Variants in MIPOL1 observed in about 807,000 individuals in gnomAD.
MIPOL1 encodes mirror-image polydactyly gene 1 protein.
Under a neutral mutation model 60.9 loss-of-function variants are expected in MIPOL1, and 57 were observed. The ratio of observed to expected loss-of-function variants is 0.94; its 90% CI spans 0.76 to 1.17. The LOEUF is 1.17. MIPOL1 is among the 50% of genes most tolerant of loss of function. MIPOL1 has a pLI of 0.00. For missense variants in MIPOL1, 551 were observed against 511.6 expected, an observed-to-expected ratio of 1.08 and a Z score of -0.74; for synonymous variants, 179 against 168.8, an observed-to-expected ratio of 1.06 and a Z score of -0.47.
rs1215567405 is a variant in MIPOL1, at chr14:37,266,922, G to A, written c.20-16G>A. ...GTGTTTAATATATCATGTGTTATTT[G>A]TTTGTTTAAATACAGACATAACCCA... is the stretch of plus-strand genomic sequence containing the variant. On this transcript the variant is annotated splice_polypyrimidine_tract_variant and intron_variant, in intron 3 of 12. Coordinates refer to ENST00000684589, the MANE Select transcript of MIPOL1 (RefSeq NM_001388067.1). 3.9e-6 allele frequency: 6 copies of A among 1,543,628 alleles called. No homozygotes were observed. Among genetic ancestry groups the A allele is most frequent in the Non-Finnish European group, 5.4e-6 (6 of 1,120,606 alleles).
chr14:37,501,729 A>C (rs112636156), intron 12 of MIPOL1: 1 of 152,210 alleles, frequency 6.6e-6, no homozygotes, highest in East Asian at 1.9e-4. Context: ...TACCTGGTTC[A>C]TCTCGTTGGG....
rs12891735 is a variant in MIPOL1, at chr14:37,340,580, C to T, written c.829-28937C>T. 3.0e-3 allele frequency among the ~76,000 whole-genome samples: 455 copies of T among 151,552 alleles called. 2 individuals are homozygous for T. Among genetic ancestry groups the T allele is most frequent in the Non-Finnish European group, 5.4e-3 (367 of 67,896 alleles). ...CAGAAATTAGTTGGATGTGGTGGTG[C>T]GTGCCTGTAGTTCCAGCTCCTGCCT... On this transcript the variant is annotated intron_variant, in intron 9 of 12. Coordinates refer to ENST00000684589, the MANE Select transcript of MIPOL1 (RefSeq NM_001388067.1).
At chr14:37,306,123 A>G (rs756463003) in intron 7 of MIPOL1, among the ~76,000 whole-genome samples, 7 of 151,868 alleles carry the variant, frequency 4.6e-5, no homozygotes, top group Non-Finnish European at 7.4e-5. Context: ...TAGACTAAAT[A>G]CAATTATCTT....
Position 37,481,767 on chromosome 14 carries a change from C to T in MIPOL1, c.1032-18141C>T, listed in dbSNP as rs1156373218. On this transcript the variant is annotated intron_variant, in intron 11 of 12. Coordinates refer to ENST00000684589, the MANE Select transcript of MIPOL1 (RefSeq NM_001388067.1). Reference sequence around the variant, plus strand: ...TTGACCAATGCAACAGAATAGAGAGCCCAGAAATGAACGCTCATATATATC... The same window carrying T: ...TTGACCAATGCAACAGAATAGAGAGTCCAGAAATGAACGCTCATATATATC... 8.6e-5 allele frequency among the ~76,000 whole-genome samples: 13 copies of T among 151,948 alleles called. No homozygotes were observed. The South Asian group carries it at 2.3e-3, about 27-fold the overall frequency.
At chr14:37,199,470 A>G (rs542863099) in intron 1 of MIPOL1, among the ~76,000 whole-genome samples, 29 of 152,282 alleles carry the variant, frequency 1.9e-4, no homozygotes, top group Non-Finnish European at 2.5e-4. Context: ...GCTATTACCA[A>G]TAGGGCTGCT....
chr14:37,404,107 T>G (rs1215206404), intron 10 of MIPOL1, among the ~76,000 whole-genome samples: 1 of 152,206 alleles, frequency 6.6e-6, no homozygotes, highest in Non-Finnish European at 1.5e-5. Context: ...TGGTCCAACA[T>G]GGTATTTCTT....
chr14:37,443,255 T>G (rs549736268), intron 11 of MIPOL1, among the ~76,000 whole-genome samples: 113 of 151,984 alleles, frequency 7.4e-4, no homozygotes, highest in Middle Eastern at 6.8e-3. Flanking sequence ...GACCAGGAGT[T>G]TGAGACCAGT....
At chr14:37,376,310 C>T (rs1420027886) in intron 10 of MIPOL1, among the ~76,000 whole-genome samples, 1 of 152,118 alleles carries the variant, frequency 6.6e-6, no homozygotes, top group Non-Finnish European at 1.5e-5. Flanking sequence ...TTTCACCGCC[C>T]AAAATATCCT....
rs182454638 is a variant in MIPOL1, at chr14:37,394,647, G to T, written c.936+25023G>T. ...TCTTACTGATTTGTTTGAGCTCGTT[G>T]TAGATTCTGGATATTAGTCCTTTCT... On this transcript the variant is annotated intron_variant, in intron 10 of 12. Coordinates refer to ENST00000684589, the MANE Select transcript of MIPOL1 (RefSeq NM_001388067.1). Among the ~76,000 whole-genome samples, 256 of 152,082 alleles carry T rather than the reference G, an allele frequency of 1.7e-3. 1 individual carries two copies. The highest frequency in any genetic ancestry group is 5.8e-3 in the African/African-American group (241 of 41,478).
intron 1 of MIPOL1, among the ~76,000 whole-genome samples, chr14:37,224,097 T>A (rs1296234776): frequency 2.0e-5 from 3 of 152,204 alleles, no homozygotes; most frequent in African/African-American, 7.2e-5. Context: ...TGGCAGCACC[T>A]GTATCTAAAT....
chr14:37,259,836 A>G (rs1369282582), intron 3 of MIPOL1, among the ~76,000 whole-genome samples: 2 of 152,126 alleles, frequency 1.3e-5, no homozygotes, highest in East Asian at 1.9e-4. Context: ...AATTTGAGCA[A>G]TGTATCTTTT....
In MIPOL1 at chr14:37,520,872, T is replaced by C. The variant is rs559330213; in HGVS notation, c.1262+20734T>C. Among the ~76,000 whole-genome samples the C allele has an allele frequency of 3.4e-3, 516 of 151,228 alleles. 2 individuals carry two copies. The highest frequency in any genetic ancestry group is 0.01 in the Middle Eastern group (3 of 294). ...AAGTAGATTAAAATTTAATAACATA[T>C]TATGACATTAAATAACTGCTTGTGA... On this transcript the variant is annotated intron_variant, in intron 12 of 12. Coordinates refer to ENST00000684589, the MANE Select transcript of MIPOL1 (RefSeq NM_001388067.1).
intron 11 of MIPOL1, among the ~76,000 whole-genome samples, chr14:37,430,339 AT>A (rs1017040151): frequency 6.6e-6 from 1 of 151,942 alleles, no homozygotes; most frequent in African/African-American, 2.4e-5. Flanking sequence ...TTAAATTTTT[AT>A]TTAGTAACAT....
chr14:37,282,780 TA>T (rs1176048582), intron 6 of MIPOL1, among the ~76,000 whole-genome samples: 10 of 148,062 alleles, frequency 6.8e-5, no homozygotes, highest in African/African-American at 2.5e-4. Context: ...AGAAGGTAGT[TA>T]TGATTTATTT....
At chr14:37,223,634 C>T (rs1196516880) in intron 1 of MIPOL1, among the ~76,000 whole-genome samples, 2 of 152,056 alleles carry the variant, frequency 1.3e-5, no homozygotes. Flanking sequence ...TGCCAAGTAG[C>T]TGGGATTACA....
intron 1 of MIPOL1, among the ~76,000 whole-genome samples, chr14:37,239,865 C>T (rs1048571576): frequency 6.6e-5 from 10 of 152,146 alleles, no homozygotes; most frequent in African/African-American, 1.9e-4. Flanking sequence ...ATTTTACTAT[C>T]TTTAAAATCT....
At chr14:37,227,013 A>G (rs551954398) in intron 1 of MIPOL1, among the ~76,000 whole-genome samples, 79 of 152,252 alleles carry the variant, frequency 5.2e-4, no homozygotes, top group Middle Eastern at 6.8e-3. Context: ...CTCTGAATAT[A>G]TGAGGTGCTG....
At chr14:37,200,860 G>C (rs1407972108) in intron 1 of MIPOL1, among the ~76,000 whole-genome samples, 9 of 72,734 alleles carry the variant, frequency 1.2e-4, no homozygotes, top group African/African-American at 6.8e-4. Flanking sequence ...ATGTGTGTGT[G>C]TGTGTGTGTG....
chr14:37,534,520 C>G (rs1359930505), intron 12 of MIPOL1, among the ~76,000 whole-genome samples: 1 of 152,090 alleles, frequency 6.6e-6, no homozygotes, highest in Non-Finnish European at 1.5e-5. Context: ...AAGCAATATT[C>G]TATTGATTTT....
Sources: allele counts gnomAD v4.1 joint callset (sites outside exome capture counted in the v4.1 genomes callset), GRCh38; gene constraint gnomAD v4.1.1; transcripts MANE v1.5; gene names NCBI Gene and HGNC (gene_info 2026-07-23, HGNC 2026-07-21).